The following ANK3 variants were observed in gnomAD, a reference collection of about 807,000 sequenced individuals.
The protein encoded by ANK3 is ankyrin-3.
A neutral mutation model predicts 370.9 loss-of-function variants in ANK3; 57 were observed. The ratio of observed to expected loss-of-function variants is 0.15; its 90% CI spans 0.12 to 0.19. ANK3 has a LOEUF of 0.19. Among genes scored for constraint, ANK3 ranks in the 10% least tolerant of loss-of-function variants. The pLI is 1.00. For synonymous variants in ANK3, 1,929 were observed against 1,946.3 expected (o/e 0.99, Z 0.23); for missense variants, 4,439 against 5,302.1 (o/e 0.84, Z 5.06).
At chr10:60,168,562 T>C (rs563489693) in intron 21 of ANK3, among the ~76,000 whole-genome samples, 1 of 152,260 alleles carries the variant, frequency 6.6e-6, no homozygotes, top group East Asian at 1.9e-4. Context: ...TTAATTTAAG[T>C]TCCAGGTTAA....
intron 2 of ANK3, among the ~76,000 whole-genome samples, chr10:60,607,535 G>A (rs563484795): frequency 6.6e-6 from 1 of 152,266 alleles, no homozygotes; most frequent in African/African-American, 2.4e-5. Context: ...ATGCCAGAAG[G>A]TTTTAGCATA....
At chr10:60,033,530 A>AC in intron 43 of ANK3, among the ~76,000 whole-genome samples, 1 of 149,166 alleles carries the variant, frequency 6.7e-6, no homozygotes, top group Non-Finnish European at 1.5e-5. Flanking sequence ...AAAAAAAAAA[A>AC]AAAAAAAAAC....
chr10:60,358,324 A>G (rs986213124), intron 1 of ANK3, among the ~76,000 whole-genome samples: 14 of 152,140 alleles, frequency 9.2e-5, no homozygotes, highest in African/African-American at 3.4e-4. Flanking sequence ...GCATGCAATC[A>G]TATGTCAGGT....
chr10:60,262,221 C>T (rs1048481206), intron 6 of ANK3, among the ~76,000 whole-genome samples: 4 of 152,056 alleles, frequency 2.6e-5, no homozygotes, highest in African/African-American at 9.7e-5. Context: ...TATATAAAAG[C>T]CAACATTTCA....
chr10:60,624,943 G>A (rs953862573), intron 1 of ANK3, among the ~76,000 whole-genome samples: 3 of 152,130 alleles, frequency 2.0e-5, no homozygotes, highest in Admixed American at 6.6e-5. Context: ...TGAGAAGTAC[G>A]CGTGACTTCA....
At chr10:60,189,553 C>G (rs1015007038) in intron 16 of ANK3, among the ~76,000 whole-genome samples, 2 of 152,176 alleles carry the variant, frequency 1.3e-5, no homozygotes, top group Non-Finnish European at 2.9e-5. Context: ...CTCAGAAAGA[C>G]TTAAGAAATA....
chr10:60,235,062 C>T (rs371541490), intron 7 of ANK3, among the ~76,000 whole-genome samples: 3 of 152,218 alleles, frequency 2.0e-5, no homozygotes, highest in East Asian at 3.9e-4. Flanking sequence ...TTTTTTTGCT[C>T]AAAAGTCCTG....
At chr10:60,687,227 T>G (rs1401251776) in intron 1 of ANK3, among the ~76,000 whole-genome samples, 2 of 152,098 alleles carry the variant, frequency 1.3e-5, no homozygotes, top group Non-Finnish European at 2.9e-5. Context: ...GTCCATCCCC[T>G]CTCAATAGTT....
Position 60,503,067 on chromosome 10 carries a change from A to G in ANK3, c.96+112119T>C, listed in dbSNP as rs116367513. 5.1e-3 allele frequency among the ~76,000 whole-genome samples: 784 copies of G among 152,292 alleles called. 4 individuals are homozygous for G. Among genetic ancestry groups the G allele is most frequent in the Non-Finnish European group, 6.7e-3 (455 of 68,026 alleles). On this transcript the variant is annotated intron_variant, in intron 2 of 43. Transcript: ENST00000373827. The stretch of plus-strand genomic sequence containing the variant: ...TTATATTAATATATATTTGTAATTT[A>G]CCATCCATTTATACTCTCATACATA...
At chr10:60,287,388 A>G (rs2040258660) in intron 1 of ANK3, among the ~76,000 whole-genome samples, 1 of 152,134 alleles carries the variant, frequency 6.6e-6, no homozygotes. Flanking sequence ...TAATGTCCAG[A>G]TCATTTAAAA....
chr10:60,279,871 A>C (rs1249271373), intron 1 of ANK3, among the ~76,000 whole-genome samples: 9 of 152,234 alleles, frequency 5.9e-5, no homozygotes, highest in Admixed American at 5.9e-4. Flanking sequence ...CTGAATTGAG[A>C]GATAAAATTT....
chr10:60,069,491 A>G lies in ANK3; in HGVS notation c.11390T>C (p.Ile3797Thr). The change falls in exon 37 of 44, where the codon ATA becomes ACA. Residue 3797 changes from isoleucine to threonine, a missense_variant. Coordinates refer to ENST00000280772, the MANE Select transcript of ANK3 (RefSeq NM_020987.5). ...ATTACTCATAATGTTATCTGTCTGT[A>G]TAGTGGAAGAATCCAAATTGTTGTT... Reference protein sequence around the residue: ...NNNNNLDSSTIQTDNIMSNIV... With the variant: ...NNNNNLDSSTTQTDNIMSNIV... 1 of 1,613,958 alleles carries G rather than the reference A, an allele frequency of 6.2e-7. No homozygotes were observed. Among genetic ancestry groups the G allele is most frequent in the South Asian group, 1.1e-5 (1 of 91,040 alleles).
At chr10:60,444,389 CAT>C (rs1432671533) in intron 2 of ANK3, among the ~76,000 whole-genome samples, 1 of 148,668 alleles carries the variant, frequency 6.7e-6, no homozygotes, top group Non-Finnish European at 1.5e-5. Flanking sequence ...GTATATATAA[CAT>C]ATATAATACA....
intron 2 of ANK3, among the ~76,000 whole-genome samples, chr10:60,443,012 A>G (rs901884255): frequency 2.0e-5 from 3 of 152,218 alleles, no homozygotes; most frequent in Non-Finnish European, 2.9e-5. Flanking sequence ...GAGCTTCATG[A>G]TATTATAAAC....
rs113586498 is a variant in ANK3 at position 60,246,314 on chromosome 10, GT to G, written c.799-11529del. On this transcript the variant is annotated intron_variant, in intron 7 of 43. Transcript: ENST00000280772. ...GAAAAAAAGATGATCACCATTGTAA[GT>G]TTTTTTTTTTCCTCTTTCTTCATGA... is the stretch of plus-strand genomic sequence containing the variant. 6.4e-3 allele frequency among the ~76,000 whole-genome samples: 878 copies of G among 136,830 alleles called. 10 individuals carry two copies. The highest frequency in any genetic ancestry group is 0.019 in the African/African-American group (717 of 37,656). 89.8% of individuals were successfully genotyped at this position (136,830 alleles called of 152,430 possible). A position where few individuals can be genotyped will look rare whatever the true frequency, so the allele number is the denominator to read the frequency against.
upstream of ANK3, among the ~76,000 whole-genome samples, chr10:60,393,600 C>T (rs1269871853): frequency 2.6e-5 from 4 of 152,100 alleles, no homozygotes; most frequent in Admixed American, 2.6e-4. Flanking sequence ...CATTAGGATG[C>T]CTTAAAGACT....
chr10:60,496,733 G>GAAAAA (rs33910846), intron 2 of ANK3, among the ~76,000 whole-genome samples: 1 of 125,584 alleles, frequency 8.0e-6, no homozygotes, highest in African/African-American at 3.0e-5. Flanking sequence ...TTTTGAGACC[G>GAAAAA]AAAAAAAAAA....
intron 2 of ANK3, among the ~76,000 whole-genome samples, chr10:60,395,549 C>CTT (rs1567003992): frequency 0.089 from 10,587 of 118,684 alleles, 536 homozygotes; most frequent in South Asian, 0.12. Flanking sequence ...AACTACTATG[C>CTT]CTCTTTCTTT....
At chr10:60,707,004 CTAATAA>C (rs1291529034) in intron 1 of ANK3, among the ~76,000 whole-genome samples, 2 of 151,996 alleles carry the variant, frequency 1.3e-5, no homozygotes, top group African/African-American at 4.8e-5. Flanking sequence ...TGTTTCAAAC[CTAATAA>C]TAATATATAA....
Sources: gnomAD v4.1 joint callset for allele counts (sites outside exome capture counted in the v4.1 genomes callset) on GRCh38, gnomAD v4.1.1 for gene constraint, MANE v1.5 for transcripts, NCBI Gene and HGNC (gene_info 2026-07-23, HGNC 2026-07-21) for gene names.